LTN1: variants seen among roughly 807,000 people sequenced by gnomAD.
The protein encoded by LTN1 is listerin E3 ubiquitin protein ligase 1, also known as E3 ubiquitin-protein ligase listerin.
LTN1 carries 88 observed loss-of-function variants against 201.2 expected under a neutral mutation model. That is an observed-to-expected ratio of 0.44 (90% CI 0.37 to 0.52). The LOEUF is 0.52. LTN1 is among the 20% of genes least tolerant of loss of function. The pLI is 0.00. For synonymous variants in LTN1, 645 were observed against 713.5 expected (o/e 0.90, Z 1.53); for missense variants, 1,752 against 2,038.7 (o/e 0.86, Z 2.71).
chr21:28,939,589 T>G (rs1391051544), intron 25 of LTN1, among the ~76,000 whole-genome samples: 1 of 152,198 alleles, frequency 6.6e-6, no homozygotes, highest in East Asian at 1.9e-4. Flanking sequence ...AGTGGGTTAT[T>G]CTGGTTTATC....
In LTN1 at chr21:28,982,379, G is replaced by A. The variant is rs376534366; in HGVS notation, c.577-11C>T. On this transcript the variant is annotated splice_polypyrimidine_tract_variant and intron_variant, in intron 4 of 29. Transcript: ENST00000361371. The stretch of plus-strand genomic sequence containing the variant: ...ATGATCCTGCAGCACCTACAAAGGG[G>A]GGAAATACCAAAGCCTTTGGTTTTA... 1 of 1,609,130 alleles carries A rather than the reference G, an allele frequency of 6.2e-7. No homozygotes were observed. Among genetic ancestry groups the A allele is most frequent in the African/African-American group, 1.3e-5 (1 of 74,826 alleles).
chr21:28,990,622 T>C (rs930927090), intron 1 of LTN1, among the ~76,000 whole-genome samples: 2 of 152,140 alleles, frequency 1.3e-5, no homozygotes, highest in South Asian at 2.1e-4. Context: ...ACCAAGTAAT[T>C]AAACAAATAC....
At chr21:28,945,722 T>A in intron 21 of LTN1, 85 bp downstream of exon 21, 1 of 1,261,314 alleles carries the variant, frequency 7.9e-7, no homozygotes, top group Admixed American at 2.3e-5. Flanking sequence ...CAATCATCAC[T>A]TAAAGAATGA....
rs756188887 is a variant in LTN1 at position 28,992,832 on chromosome 21, C to T, written c.-27G>A. On this transcript the variant is annotated 5_prime_UTR_variant, in exon 1 of 30. Coordinates refer to ENST00000361371, the MANE Select transcript of LTN1 (RefSeq NM_015565.3). ...GTCGCGGTTGCAGCTGTACTCTGAG[C>T]ACTCAGACCCCGGTTGACACGTCCG... 18 of 1,614,104 alleles carry T rather than the reference C, an allele frequency of 1.1e-5. No individual in the cohort carries two copies. The highest frequency in any genetic ancestry group is 2.5e-6 in the Non-Finnish European group (3 of 1,180,042).
Position 28,991,000 on chromosome 21 carries a change from G to A in LTN1, c.42+1764C>T, listed in dbSNP as rs932768735. Among the ~76,000 whole-genome samples the A allele has an allele frequency of 6.6e-5, 10 of 152,216 alleles. No homozygotes were observed. The East Asian group carries it at 1.9e-3, about 29-fold the overall frequency. On this transcript the variant is annotated intron_variant, in intron 1 of 29. Transcript: ENST00000361371. ...GTCCCTACAAAAATAAGCTAGCCGT[G>A]ATGGCCTGTACCTGTAGTCCTAGCT...
At position 28,952,256 on chromosome 21, in the gene LTN1, T is replaced by C. The variant is rs1196608455; in HGVS notation, c.3248A>G (p.Glu1083Gly). 2.0e-5 allele frequency: 32 copies of C among 1,581,994 alleles called. No homozygotes were observed. Among genetic ancestry groups the C allele is most frequent in the Non-Finnish European group, 2.6e-5 (30 of 1,164,334 alleles). ...AATAAGAGACCACAGTGTGCCATGT[T>C]CTCTGGACCTGAAAAAGGAAAGAAA... is the stretch of plus-strand genomic sequence containing the variant. ...LLQLLFNRSR[E>G]HGTLWSLIIA... is the part of the protein sequence containing the mutation. Residue 1083 changes from glutamate (E) to glycine (G), a missense_variant, in exon 18 of 30, where the codon GAA becomes GGA. Around this residue, in one of 3 missense-constraint regions of LTN1, gnomAD observed 1,211 missense variants for 1,312.8 expected, o/e 0.92. Transcript: ENST00000361371.
At chr21:28,977,335 C>A (rs910585915) in intron 6 of LTN1, among the ~76,000 whole-genome samples, 1 of 146,970 alleles carries the variant, frequency 6.8e-6, no homozygotes, top group South Asian at 2.2e-4. Flanking sequence ...GATCATGACG[C>A]TGCATTCCAG....
At chr21:28,933,677 CTT>C (rs369698319) in intron 27 of LTN1, among the ~76,000 whole-genome samples, 3,882 of 135,602 alleles carry the variant, frequency 0.029, 76 homozygotes, top group Non-Finnish European at 0.044. Flanking sequence ...CTCTCTCTCT[CTT>C]TTTTTTTTTT....
Position 28,984,772 on chromosome 21 carries a change from C to T in LTN1, c.496G>A (p.Ala166Thr). Residue 166 changes from alanine to threonine, a missense_variant, in exon 4 of 30, where the codon GCA becomes ACA. Around this residue, in one of 3 missense-constraint regions of LTN1, gnomAD observed 280 missense variants for 375.7 expected, o/e 0.75. Transcript: ENST00000361371. ...CDTYTPAAFA[A>T]KDAFEAAFPP... is the part of the protein sequence containing the mutation. Reference sequence around the variant, plus strand: ...AAAGCCGCTTCAAATGCATCTTTTGCTGCAAACGCAGCTGGTGTGTAAGTA... The same window carrying T: ...AAAGCCGCTTCAAATGCATCTTTTGTTGCAAACGCAGCTGGTGTGTAAGTA... 6.2e-7 allele frequency: 1 copy of T among 1,614,172 alleles called. No homozygotes were observed. Among genetic ancestry groups the T allele is most frequent in the Non-Finnish European group, 8.5e-7 (1 of 1,180,010 alleles).
chr21:28,985,234 C>T (rs914237131), intron 3 of LTN1, among the ~76,000 whole-genome samples: 3 of 151,948 alleles, frequency 2.0e-5, no homozygotes, highest in Admixed American at 6.5e-5. Flanking sequence ...CCGAGGCAGG[C>T]GGATTATTGG....
At chr21:28,967,313 C>T (rs1035414312) in intron 9 of LTN1, 134 bp from the exon 10 acceptor site, 1 of 668,348 alleles carries the variant, frequency 1.5e-6, no homozygotes, top group Admixed American at 2.9e-5. Flanking sequence ...TGATGGCTGG[C>T]AGCACCTGTA....
chr21:28,992,661 G>T, intron 1 of LTN1, 103 bp downstream of exon 1: 1 of 1,290,356 alleles, frequency 7.7e-7, no homozygotes, highest in Non-Finnish European at 1.1e-6. Flanking sequence ...GGAAACACAC[G>T]CCTCCCTACA....
intron 27 of LTN1, among the ~76,000 whole-genome samples, chr21:28,933,924 C>A (rs2084233205): frequency 6.6e-6 from 1 of 152,180 alleles, no homozygotes; most frequent in Non-Finnish European, 1.5e-5. Context: ...GGTCTGCCCG[C>A]CTCGGCCTCC....
At chr21:28,970,781 T>A (rs771161983) in intron 7 of LTN1, 39 bp from the exon 8 acceptor site, 6 of 1,444,324 alleles carry the variant, frequency 4.2e-6, no homozygotes, top group South Asian at 3.9e-5. Context: ...TTAGAGATCA[T>A]AAACATACTT....
chr21:28,964,753 C>T (rs765528149), intron 11 of LTN1: 37 of 1,549,666 alleles, frequency 2.4e-5, no homozygotes, highest in African/African-American at 2.1e-4. Flanking sequence ...TTGCACTTCA[C>T]GGCAGGTACA....
chr21:28,989,048 AATTAAT>A (rs1160249402), intron 1 of LTN1, among the ~76,000 whole-genome samples: 1 of 152,156 alleles, frequency 6.6e-6, no homozygotes, highest in Non-Finnish European at 1.5e-5. Flanking sequence ...TATTAAAATG[AATTAAT>A]ATTAATTATT....
At chr21:28,975,034 C>G (rs1461750744) in intron 6 of LTN1, among the ~76,000 whole-genome samples, 1 of 151,712 alleles carries the variant, frequency 6.6e-6, no homozygotes, top group Non-Finnish European at 1.5e-5. Context: ...GTCTCCAAAA[C>G]ATAACATTCA....
intron 18 of LTN1, among the ~76,000 whole-genome samples, chr21:28,947,847 A>AT (rs982376250): frequency 1.3e-5 from 2 of 150,828 alleles, no homozygotes; most frequent in African/African-American, 4.9e-5. Context: ...CCCATATATG[A>AT]TTTTTTAAAA....
intron 14 of LTN1, among the ~76,000 whole-genome samples, chr21:28,957,866 T>C (rs1291890790): frequency 6.6e-6 from 1 of 152,212 alleles, no homozygotes; most frequent in Non-Finnish European, 1.5e-5. Context: ...ATACTTGCAA[T>C]TCAACATCTT....
Sources: allele counts gnomAD v4.1 joint callset (sites outside exome capture counted in the v4.1 genomes callset), GRCh38; gene constraint gnomAD v4.1.1; regional missense constraint gnomAD v4.1.1; transcripts MANE v1.5; gene names NCBI Gene and HGNC (gene_info 2026-07-23, HGNC 2026-07-21).